The following FBXW11 variants were observed in gnomAD, a reference collection of about 807,000 sequenced individuals.
FBXW11 encodes F-box and WD repeat domain containing 11, also known as F-box/WD repeat-containing protein 11.
In FBXW11, 19 loss-of-function variants were observed where a neutral mutation model predicts 77.6. That is an observed-to-expected ratio of 0.24 (90% CI 0.17 to 0.36). The LOEUF is 0.36. Ranked by LOEUF, FBXW11 falls within the 10% of genes least tolerant of loss-of-function variation. The pLI is 1.00. For synonymous variants in FBXW11, 235 were observed against 249.4 expected, an observed-to-expected ratio of 0.94 and a Z score of 0.54; for missense variants, 334 against 704.2, an observed-to-expected ratio of 0.47 and a Z score of 5.95.
intron 6 of FBXW11, among the ~76,000 whole-genome samples, chr5:171,891,890 C>T (rs10058906): frequency 1 from 152,202 of 152,294 alleles, 76,055 homozygotes; most frequent in East Asian, 1. Context: ...GTTTAAAGAA[C>T]GCCGTTTGCA....
intron 1 of FBXW11, chr5:172,003,425 A>G (rs765713234): frequency 2.6e-5 from 4 of 152,354 alleles, no homozygotes; most frequent in East Asian, 1.9e-4. Context: ...TAAACTTTAC[A>G]TATTTCCAAA....
rs777045639 is a variant in FBXW11, at chr5:171,985,338, G to A, written c.45+21120C>T. Among the ~76,000 whole-genome samples the A allele has an allele frequency of 7.2e-5, 11 of 152,166 alleles. No individual in the cohort carries two copies. In the East Asian group the frequency reaches 7.7e-4, roughly 11 times the overall value. On this transcript the variant is annotated intron_variant, in intron 1 of 13. Coordinates refer to ENST00000517395, the MANE Select transcript of FBXW11 (RefSeq NM_001378974.1). Reference sequence around the variant, plus strand: ...CCTCCAATCTAGGCAGGGATCACACGCTCAAAAACTTACATGTGGCTCACA... The same window carrying A: ...CCTCCAATCTAGGCAGGGATCACACACTCAAAAACTTACATGTGGCTCACA...
intron 7 of FBXW11, among the ~76,000 whole-genome samples, chr5:171,890,468 A>G (rs971402684): frequency 2.8e-5 from 4 of 144,806 alleles, no homozygotes; most frequent in South Asian, 2.4e-4. Flanking sequence ...GAGGCAGGTG[A>G]CAGAGAGAGA....
intron 2 of FBXW11, among the ~76,000 whole-genome samples, chr5:171,936,072 C>G (rs1762460508): frequency 7.1e-6 from 1 of 140,254 alleles, no homozygotes; most frequent in Non-Finnish European, 1.5e-5. Flanking sequence ...GATTGTGCCA[C>G]TGCACTCTAG....
intron 1 of FBXW11, among the ~76,000 whole-genome samples, chr5:171,959,720 C>A (rs978488980): frequency 6.6e-6 from 1 of 151,724 alleles, no homozygotes; most frequent in Non-Finnish European, 1.5e-5. Context: ...TGTGGTGGCA[C>A]ACACCTGTAA....
intron 6 of FBXW11, among the ~76,000 whole-genome samples, chr5:171,893,421 C>CAAAAAAAAA (rs397999920): frequency 0.11 from 4,220 of 39,714 alleles, 1,183 homozygotes; most frequent in Non-Finnish European, 0.13. Context: ...ACTTCAAAAC[C>CAAAAAAAAA]AAAAAAAAAA....
chr5:171,929,334 C>A (rs1290280825), intron 2 of FBXW11, among the ~76,000 whole-genome samples: 1 of 152,010 alleles, frequency 6.6e-6, no homozygotes, highest in Non-Finnish European at 1.5e-5. Flanking sequence ...CGCACCACTG[C>A]ACTACAGCCT....
chr5:172,002,714 T>C (rs1438244012), intron 1 of FBXW11, among the ~76,000 whole-genome samples: 3 of 144,816 alleles, frequency 2.1e-5, no homozygotes, highest in Non-Finnish European at 3.0e-5. Context: ...TTTTTTTTTT[T>C]TTTGAGAGTG....
At chr5:171,951,900 T>C (rs770637371) in intron 2 of FBXW11, among the ~76,000 whole-genome samples, 17 of 152,352 alleles carry the variant, frequency 1.1e-4, no homozygotes, top group Admixed American at 3.9e-4. Flanking sequence ...TGAAGAAAAG[T>C]TGAACTAAGA....
chr5:171,865,683 A>T (rs1252007993), intron 13 of FBXW11, among the ~76,000 whole-genome samples: 1 of 152,212 alleles, frequency 6.6e-6, no homozygotes, highest in Non-Finnish European at 1.5e-5. Context: ...TACTTTTTCA[A>T]ATTTCCTAAT....
chr5:171,912,782 C>A (rs1004354509), intron 3 of FBXW11, among the ~76,000 whole-genome samples: 2 of 151,792 alleles, frequency 1.3e-5, no homozygotes, highest in African/African-American at 4.8e-5. Flanking sequence ...TAGTGGTGGG[C>A]GCCTGTAATC....
intron 1 of FBXW11, among the ~76,000 whole-genome samples, chr5:171,987,362 T>C (rs1282686589): frequency 6.6e-6 from 1 of 152,196 alleles, no homozygotes; most frequent in Non-Finnish European, 1.5e-5. Flanking sequence ...CTTGGTTCCC[T>C]TTGCTATGAA....
At chr5:171,932,954 CAAAAAAAAAAAA>C (rs59324690) in intron 2 of FBXW11, among the ~76,000 whole-genome samples, 5 of 50,252 alleles carry the variant, frequency 9.9e-5, no homozygotes, top group East Asian at 9.9e-4. Context: ...CTGCCTCTAC[CAAAAAAAAAAAA>C]AAAAAAAAAA....
At chr5:171,997,130 G>T in intron 1 of FBXW11, 2 of 1,195,756 alleles carry the variant, frequency 1.7e-6, no homozygotes, top group Non-Finnish European at 2.2e-6. Context: ...ATGGAAGGAA[G>T]GGTCAATGGA....
chr5:171,993,259 C>T (rs1489001527), intron 1 of FBXW11, among the ~76,000 whole-genome samples: 2 of 152,038 alleles, frequency 1.3e-5, no homozygotes, highest in Non-Finnish European at 2.9e-5. Flanking sequence ...GTCTCTCTGA[C>T]TTGTTTGAAA....
chr5:171,962,996 A>G (rs1763987821), intron 1 of FBXW11, among the ~76,000 whole-genome samples: 6 of 152,094 alleles, frequency 3.9e-5, no homozygotes. Context: ...TCCACTTCCC[A>G]CAGAATCATT....
chr5:171,939,713 A>G lies in FBXW11; in HGVS notation c.147+17884T>C, dbSNP rs866698606. Among the ~76,000 whole-genome samples, 15 of 151,538 alleles carry G rather than the reference A, an allele frequency of 9.9e-5. No homozygotes were observed. In the East Asian group the frequency reaches 1.5e-3, roughly 16 times the overall value. On this transcript the variant is annotated intron_variant, in intron 2 of 13. Coordinates refer to ENST00000517395, the MANE Select transcript of FBXW11 (RefSeq NM_001378974.1). Reference sequence around the variant, plus strand: ...CCCTGTCTCAAAAAAAAAAAAAAAAAAAAAAGAAAGAAAGAAAGAAAACTG... The same window carrying G: ...CCCTGTCTCAAAAAAAAAAAAAAAAGAAAAAGAAAGAAAGAAAGAAAACTG...
At chr5:171,891,387 A>G (rs996147458) in intron 7 of FBXW11, 80 bp downstream of exon 7, 5 of 1,348,636 alleles carry the variant, frequency 3.7e-6, no homozygotes, top group Middle Eastern at 2.2e-4. Flanking sequence ...AATCTAGAGT[A>G]AATGGAAAGA....
intron 7 of FBXW11, among the ~76,000 whole-genome samples, chr5:171,886,261 T>C (rs1376721490): frequency 1.3e-5 from 2 of 152,184 alleles, no homozygotes; most frequent in African/African-American, 4.8e-5. Context: ...GATGAGTTCA[T>C]GTCCTTTGCA....
Sources: allele counts gnomAD v4.1 joint callset (sites outside exome capture counted in the v4.1 genomes callset), GRCh38; gene constraint gnomAD v4.1.1; transcripts MANE v1.5; gene names NCBI Gene and HGNC (gene_info 2026-07-23, HGNC 2026-07-21).